CLEC12A: variants seen among roughly 807,000 people sequenced by gnomAD.
The protein encoded by CLEC12A is C-type lectin protein CLL-1.
CLEC12A carries 22 observed loss-of-function variants against 26.5 expected under a neutral mutation model. That is an observed-to-expected ratio of 0.83 (90% CI 0.59 to 1.19). The LOEUF is 1.19. Among genes scored for constraint, CLEC12A ranks in the 50% most tolerant of loss-of-function variants. The pLI is 0.00. For synonymous variants in CLEC12A, 119 were observed against 101.9 expected, an observed-to-expected ratio of 1.17 and a Z score of -1.01; for missense variants, 353 against 315.6, an observed-to-expected ratio of 1.12 and a Z score of -0.90.
intron 4 of CLEC12A, among the ~76,000 whole-genome samples, chr12:9,994,391 T>G (rs902117951): frequency 6.6e-6 from 1 of 152,148 alleles, no homozygotes; most frequent in Admixed American, 6.5e-5. Flanking sequence ...CTATAGTAAA[T>G]ACTTAATAAA....
chr12:9,951,456 G>C (rs1249195247), intron 1 of CLEC12A: 1 of 699,500 alleles, frequency 1.4e-6, no homozygotes, highest in Admixed American at 2.0e-5. Flanking sequence ...GCCAACTGAC[G>C]GAGAGAGGAA....
In CLEC12A at chr12:9,985,128, G is replaced by A. The variant is rs1864725228; in HGVS notation, c.*102G>A. The stretch of plus-strand genomic sequence containing the variant: ...TGACAATTAGTTGAGTTTGTCTGAA[G>A]ACCTGGGATTTTATCATGCAGATGA... On this transcript the variant is annotated 3_prime_UTR_variant, in exon 6 of 6. Coordinates refer to ENST00000304361, the MANE Select transcript of CLEC12A (RefSeq NM_138337.6). 1 of 1,252,308 alleles carries A rather than the reference G, an allele frequency of 8.0e-7. No individual in the cohort carries two copies. The highest frequency in any genetic ancestry group is 1.0e-6 in the Non-Finnish European group (1 of 976,926). 77.6% of individuals were successfully genotyped at this position (1,252,308 alleles called of 1,614,324 possible). A position where few individuals can be genotyped will look rare whatever the true frequency, so the allele number is the denominator to read the frequency against.
chr12:10,003,331 A>C, the CLEC12A span, among the ~76,000 whole-genome samples: 1 of 152,228 alleles, frequency 6.6e-6, no homozygotes. Context: ...ATTAATAACT[A>C]TCCGACCAAA....
chr12:9,962,609 G>A (rs1186890234), intron 1 of CLEC12A, among the ~76,000 whole-genome samples: 2 of 152,056 alleles, frequency 1.3e-5, no homozygotes, highest in African/African-American at 4.8e-5. Flanking sequence ...AGTCAAAGGG[G>A]GCTTGTTCTC....
chr12:9,980,587 A>C lies in CLEC12A; in HGVS notation c.385A>C (p.Lys129Gln). Residue 129 changes from lysine to glutamine, a missense_variant, in exon 4 of 6, where the codon AAA (lysine) becomes CAA (glutamine). Coordinates refer to ENST00000304361, the MANE Select transcript of CLEC12A (RefSeq NM_138337.6). ...AAACTATGTTCTTCTTCCAGAGCAC[A>C]AATGTAAGCCTTGTCCAAGGAGATG... ...RELYSKEQEHKCKPCPRRWIW... is the reference protein window; with the variant it reads ...RELYSKEQEHQCKPCPRRWIW... 1 of 1,612,334 alleles carries C rather than the reference A, an allele frequency of 6.2e-7. No individual in the cohort carries two copies. The highest frequency in any genetic ancestry group is 1.3e-5 in the African/African-American group (1 of 74,938).
chr12:9,969,772 A>G (rs1397300311), upstream of CLEC12A, among the ~76,000 whole-genome samples: 1 of 152,180 alleles, frequency 6.6e-6, no homozygotes, highest in Non-Finnish European at 1.5e-5. Context: ...CCACCTAGGA[A>G]AAATAGAGGG....
intron 1 of CLEC12A, among the ~76,000 whole-genome samples, chr12:9,953,612 G>T (rs1863685469): frequency 6.6e-6 from 1 of 151,170 alleles, no homozygotes; most frequent in African/African-American, 2.4e-5. Flanking sequence ...TGCCCGGCCA[G>T]CCGCCCCGTC....
intron 1 of CLEC12A, among the ~76,000 whole-genome samples, chr12:9,959,652 G>A (rs189264174): frequency 4.5e-4 from 69 of 152,196 alleles, no homozygotes; most frequent in African/African-American, 1.3e-3. Context: ...TGGACTCGGG[G>A]CAGGTAGTCA....
At chr12:9,958,213 G>A (rs1246077592) in intron 1 of CLEC12A, among the ~76,000 whole-genome samples, 3 of 152,142 alleles carry the variant, frequency 2.0e-5, no homozygotes, top group Non-Finnish European at 2.9e-5. Context: ...ATTACTTTAG[G>A]CACAATGTCT....
chr12:9,998,850 T>C (rs1484043916), downstream of CLEC12A, among the ~76,000 whole-genome samples: 4 of 152,154 alleles, frequency 2.6e-5, no homozygotes, highest in African/African-American at 7.2e-5. Flanking sequence ...TGCACATATA[T>C]TGGATGTTTG....
At chr12:9,990,591 A>G (rs1236382457), downstream of CLEC12A, among the ~76,000 whole-genome samples, 2 of 152,202 alleles carry the variant, frequency 1.3e-5, no homozygotes, top group African/African-American at 2.4e-5. Flanking sequence ...CTTGAGACAA[A>G]TATTATTCCT....
rs941772858 is a variant in CLEC12A at position 9,957,091 on chromosome 12, G to C, written c.10+5735G>C. ...CAAAGTTTATTTTGCCAAGGGTAGG[G>C]ATATGTGCCTGAAACACAAGTCTGT... On this transcript the variant is annotated intron_variant, in intron 1 of 6. Coordinates refer to the CLEC12A transcript ENST00000355690. 1.2e-3 allele frequency among the ~76,000 whole-genome samples: 181 copies of C among 152,202 alleles called. 2 individuals are homozygous for C. The highest frequency in any genetic ancestry group is 4.2e-3 in the African/African-American group (174 of 41,456).
chr12:9,999,032 C>G, downstream of CLEC12A: 1 of 1,555,356 alleles, frequency 6.4e-7, no homozygotes, highest in Non-Finnish European at 8.9e-7. Flanking sequence ...TCTGAGCATT[C>G]TTACCGGAGA....
At position 9,978,962 on chromosome 12, in the gene CLEC12A, ACAG is replaced by A; in HGVS notation, c.92-1_93del. 6.2e-7 allele frequency: 1 copy of A among 1,613,058 alleles called. No individual in the cohort carries two copies. Among genetic ancestry groups the A allele is most frequent in the Non-Finnish European group, 8.5e-7 (1 of 1,179,174 alleles). ...GGCCTCTCTGTTAATTTTGCTTTCC[ACAG>A]CACCTCCAGCTCCCTCTCATGTATG... On this transcript the variant is annotated splice_acceptor_variant and splice_polypyrimidine_tract_variant and intron_variant, in intron 1 of 5. Coordinates refer to ENST00000304361, the MANE Select transcript of CLEC12A (RefSeq NM_138337.6). LOFTEE classifies it high-confidence loss of function.
At chr12:9,996,924 G>A (rs1381134936), downstream of CLEC12A, 7 of 1,613,946 alleles carry the variant, frequency 4.3e-6, no homozygotes, top group Non-Finnish European at 5.9e-6. Context: ...CCCATGTTAA[G>A]TTGTGCCTGA....
upstream of CLEC12A, among the ~76,000 whole-genome samples, chr12:9,967,709 G>C (rs529837684): frequency 1.3e-5 from 2 of 151,890 alleles, no homozygotes; most frequent in African/African-American, 4.8e-5. Flanking sequence ...AGCGGAGAAG[G>C]GGTAGAGACA....
chr12:9,982,151 A>G lies in CLEC12A; in HGVS notation c.641+22A>G, dbSNP rs765955953. The G allele has an allele frequency of 2.3e-6, 3 of 1,307,722 alleles. No individual in the cohort carries two copies. In the Admixed American group the frequency reaches 5.1e-5, roughly 22 times the overall value. 81.0% of individuals were successfully genotyped at this position (1,307,722 alleles called of 1,614,324 possible). ...CCTGGTAAGTGTCTATTCTTGTTAG[A>G]ATTTTATAGCTGGGTTTGAGTAGAG... is the stretch of plus-strand genomic sequence containing the variant. On this transcript the variant is annotated intron_variant, in intron 5 of 5. Transcript: ENST00000304361.
rs996535308 is a variant in CLEC12A, at chr12:9,985,482, A to T, written c.*456A>T. On this transcript the variant is annotated 3_prime_UTR_variant, in exon 6 of 6. Transcript: ENST00000304361. Reference sequence around the variant, plus strand: ...GGCTGAAGGCCTTATGAGTCAAAGGACTTATAGCCAATTGATTGTTCTAGG... The same window carrying T: ...GGCTGAAGGCCTTATGAGTCAAAGGTCTTATAGCCAATTGATTGTTCTAGG... 2 of 398,736 alleles carry T rather than the reference A, an allele frequency of 5.0e-6. No homozygotes were observed. The highest frequency in any genetic ancestry group is 2.1e-5 in the African/African-American group (1 of 48,608). The allele number at this position is 398,736 out of a possible 1,614,324, so 24.7% of individuals were successfully genotyped here.
At chr12:9,972,474 G>A (rs979906406) in intron 1 of CLEC12A, among the ~76,000 whole-genome samples, 5 of 152,154 alleles carry the variant, frequency 3.3e-5, no homozygotes, top group Non-Finnish European at 7.4e-5. Context: ...TTTTGGGAGT[G>A]AAATCTGCCC....
Sources: gnomAD v4.1 joint callset for allele counts (sites outside exome capture counted in the v4.1 genomes callset) on GRCh38, gnomAD v4.1.1 for gene constraint, MANE v1.5 for transcripts, NCBI Gene and HGNC (gene_info 2026-07-23, HGNC 2026-07-21) for gene names.